GALNT11: variants seen among roughly 807,000 people sequenced by gnomAD.
GALNT11 encodes the protein polypeptide N-acetylgalactosaminyltransferase 11.
In GALNT11, 47 loss-of-function variants were observed where a neutral mutation model predicts 72.7. The observed-to-expected ratio is 0.65, with a 90% confidence interval of 0.51 to 0.82. GALNT11 has a LOEUF of 0.82. Ranked by LOEUF, GALNT11 falls within the 40% of genes least tolerant of loss-of-function variation. GALNT11 has a pLI of 0.00. For missense variants in GALNT11, 677 were observed against 778.4 expected (o/e 0.87, Z 1.55); for synonymous variants, 270 against 286.6 (o/e 0.94, Z 0.58).
At chr7:152,033,434 C>A (rs144359068) in intron 1 of GALNT11, among the ~76,000 whole-genome samples, 5 of 152,154 alleles carry the variant, frequency 3.3e-5, no homozygotes, top group Admixed American at 2.6e-4. Context: ...TTATAGAACA[C>A]CAAGGTTGCC....
At chr7:152,085,674 G>A (rs117701896) in intron 1 of GALNT11, among the ~76,000 whole-genome samples, 5 of 152,122 alleles carry the variant, frequency 3.3e-5, no homozygotes, top group Non-Finnish European at 7.4e-5. Flanking sequence ...TTGAATAATA[G>A]ACATCTGATT....
intron 8 of GALNT11, among the ~76,000 whole-genome samples, chr7:152,116,296 G>C (rs1587486695): frequency 6.6e-6 from 1 of 152,214 alleles, no homozygotes; most frequent in African/African-American, 2.4e-5. Context: ...TGTTGCCCAG[G>C]CTGTAGTGCA....
chr7:152,026,519 CT>C (rs2082022264), intron 1 of GALNT11, among the ~76,000 whole-genome samples: 1 of 152,226 alleles, frequency 6.6e-6, no homozygotes, highest in Admixed American at 6.5e-5. Context: ...GACAGCTTGT[CT>C]TCGCAGGTGA....
At chr7:152,116,100 T>A (rs1375446634) in intron 8 of GALNT11, among the ~76,000 whole-genome samples, 3 of 152,166 alleles carry the variant, frequency 2.0e-5, no homozygotes, top group African/African-American at 7.2e-5. Flanking sequence ...TATATAATTT[T>A]TTGATATTGT....
chr7:152,117,060 A>G, intron 8 of GALNT11, 97 bp from the exon 9 acceptor site: 1 of 1,001,878 alleles, frequency 1.0e-6, no homozygotes, highest in Non-Finnish European at 1.5e-6. Flanking sequence ...TATCATTGTT[A>G]GTAATGGACT....
intron 7 of GALNT11, among the ~76,000 whole-genome samples, chr7:152,112,845 G>A (rs997519073): frequency 2.6e-5 from 4 of 151,922 alleles, no homozygotes; most frequent in African/African-American, 7.2e-5. Flanking sequence ...GCAAGTACCT[G>A]TGAAACTAAA....
chr7:152,113,918 TG>T (rs2088556534), intron 8 of GALNT11, among the ~76,000 whole-genome samples: 1 of 120,212 alleles, frequency 8.3e-6, no homozygotes, highest in African/African-American at 5.0e-5. Context: ...TTTTAAAAAG[TG>T]TTTTTTTTTT....
Position 152,068,546 on chromosome 7 carries a change from G to T in GALNT11, c.-38-25644G>T, listed in dbSNP as rs540135148. On this transcript the variant is annotated intron_variant, in intron 1 of 11. Transcript: ENST00000430044. ...AATTGGTACATTTTTTCTTGCATTT[G>T]TGGGCATAGAGTTATTTGTAATATT... Among the ~76,000 whole-genome samples, 10 of 152,264 alleles carry T rather than the reference G, an allele frequency of 6.6e-5. No homozygotes were observed. The South Asian group carries it at 2.1e-3, about 32-fold the overall frequency.
intron 1 of GALNT11, among the ~76,000 whole-genome samples, chr7:152,051,348 A>G (rs1247951101): frequency 4.0e-5 from 6 of 150,812 alleles, no homozygotes; most frequent in Non-Finnish European, 8.8e-5. Flanking sequence ...TTTGTCTTGT[A>G]CAACTTCATA....
At chr7:152,052,892 A>C (rs573796507) in intron 1 of GALNT11, among the ~76,000 whole-genome samples, 1 of 152,116 alleles carries the variant, frequency 6.6e-6, no homozygotes, top group African/African-American at 2.4e-5. Context: ...TCTTCTGTTA[A>C]TCCTCTCAAG....
intron 8 of GALNT11, 127 bp downstream of exon 8, chr7:152,113,525 C>T (rs1199614944): frequency 9.7e-7 from 1 of 1,031,858 alleles, no homozygotes; most frequent in African/African-American, 1.6e-5. Context: ...TTAGGGCCAA[C>T]TCTTTCTAGT....
chr7:152,110,630 G>A lies in GALNT11; in HGVS notation c.1065G>A (p.Leu355=). The change falls in exon 7 of 12, where the codon TTG becomes TTA. Residue 355 remains leucine, a synonymous_variant. Coordinates refer to ENST00000430044, the MANE Select transcript of GALNT11 (RefSeq NM_022087.4). The part of the protein sequence containing the change: ...SGMDIWGGEN[L]EISFRIWMCG... Reference sequence around the variant, plus strand: ...TGGATATCTGGGGAGGAGAAAATTTGGAAATATCATTTCGGGTAATTTAAT... The same window carrying A: ...TGGATATCTGGGGAGGAGAAAATTTAGAAATATCATTTCGGGTAATTTAAT... The A allele has an allele frequency of 1.2e-6, 2 of 1,607,502 alleles. No individual in the cohort carries two copies. Among genetic ancestry groups the A allele is most frequent in the Non-Finnish European group, 1.7e-6 (2 of 1,176,198 alleles).
chr7:152,050,576 A>C (rs918065367), intron 1 of GALNT11, among the ~76,000 whole-genome samples: 5 of 152,112 alleles, frequency 3.3e-5, no homozygotes, highest in Admixed American at 6.5e-5. Flanking sequence ...TGCGAGCTGC[A>C]CTGCCTGGGG....
intron 1 of GALNT11, among the ~76,000 whole-genome samples, chr7:152,090,533 C>T: frequency 6.6e-6 from 1 of 152,130 alleles, no homozygotes; most frequent in Non-Finnish European, 1.5e-5. Flanking sequence ...CATTTTGTAA[C>T]CTTTCTAGTT....
intron 1 of GALNT11, among the ~76,000 whole-genome samples, chr7:152,051,983 A>C (rs2083428780): frequency 1.3e-5 from 2 of 152,182 alleles, no homozygotes; most frequent in Non-Finnish European, 2.9e-5. Flanking sequence ...TGTCACTATC[A>C]CCAAAACTTT....
chr7:152,066,381 G>C (rs1239301571), intron 1 of GALNT11, among the ~76,000 whole-genome samples: 2 of 152,334 alleles, frequency 1.3e-5, no homozygotes, highest in African/African-American at 4.8e-5. Context: ...ACCCCTTGCA[G>C]TTCCCAGATG....
intron 1 of GALNT11, among the ~76,000 whole-genome samples, chr7:152,093,460 C>T (rs533457301): frequency 4.6e-5 from 7 of 152,026 alleles, no homozygotes; most frequent in African/African-American, 1.7e-4. Context: ...GAGTCTTGCT[C>T]GGTTGCCCAG....
At chr7:152,059,730 C>T (rs2083896095) in intron 1 of GALNT11, among the ~76,000 whole-genome samples, 1 of 152,152 alleles carries the variant, frequency 6.6e-6, no homozygotes, top group Non-Finnish European at 1.5e-5. Context: ...TTAATATATT[C>T]AGTAAATCAT....
intron 1 of GALNT11, among the ~76,000 whole-genome samples, chr7:152,030,905 T>C (rs2082278221): frequency 1.3e-5 from 2 of 152,242 alleles, no homozygotes; most frequent in Admixed American, 6.5e-5. Context: ...CCTTCCCGTT[T>C]TGATGGCTTT....
Sources: allele counts gnomAD v4.1 joint callset (sites outside exome capture counted in the v4.1 genomes callset), GRCh38; gene constraint gnomAD v4.1.1; transcripts MANE v1.5; gene names NCBI Gene and HGNC (gene_info 2026-07-23, HGNC 2026-07-21).